The following EDA2R variants were observed in gnomAD, a reference collection of about 807,000 sequenced individuals.
EDA2R encodes the protein tumor necrosis factor receptor superfamily member 27.
Under a neutral mutation model 20.1 loss-of-function variants are expected in EDA2R, and 26 were observed. That is an observed-to-expected ratio of 1.30 (90% CI 0.95 to 1.80). EDA2R has a LOEUF of 1.80. EDA2R is among the 40% of genes most tolerant of loss of function. The pLI, the probability that EDA2R is intolerant of heterozygous loss-of-function variation, is 0.00. For missense variants in EDA2R, 277 were observed against 228.7 expected (o/e 1.21, Z -1.36); for synonymous variants, 114 against 88.7 (o/e 1.29, Z -1.60).
chrX:66,611,597 C>T (rs1041538418), intron 2 of EDA2R, among the ~76,000 whole-genome samples: 1 of 110,523 alleles, frequency 9.0e-6, no homozygotes, highest in Non-Finnish European at 1.9e-5. Context: ...ATGATAGAAT[C>T]AGTGAACTTG....
At chrX:66,608,964 T>G (rs1326248755) in intron 2 of EDA2R, among the ~76,000 whole-genome samples, 1 of 112,263 alleles carries the variant, frequency 8.9e-6, no homozygotes, top group Non-Finnish European at 1.9e-5. Flanking sequence ...TGATTAATGC[T>G]GCTGAATTAT....
chrX:66,601,696 A>C (rs1244549629), intron 5 of EDA2R, among the ~76,000 whole-genome samples: 1 of 110,964 alleles, frequency 9.0e-6, no homozygotes, highest in Non-Finnish European at 1.9e-5. Flanking sequence ...AATCAACTTC[A>C]TTCTCTGATC....
Position 66,597,094 on chromosome X carries a change from A to T in EDA2R, c.*1010T>A, listed in dbSNP as rs749255363. 4 of 113,209 alleles carry T rather than the reference A, an allele frequency of 3.5e-5. No homozygotes were observed. In the East Asian group the frequency reaches 1.1e-3, roughly 32 times the overall value. 9.3% of individuals were successfully genotyped at this position (113,209 alleles called of 1,213,427 possible). A position where few individuals can be genotyped will look rare whatever the true frequency, so the allele number is the denominator to read the frequency against. On this transcript the variant is annotated 3_prime_UTR_variant, in exon 7 of 7. Transcript: ENST00000374719. ...GGTGATGAAGTGCACATTCTGCCTAATGTACTTAATAAACCACTTAATAGT... is the reference window on the plus strand; with the variant it reads ...GGTGATGAAGTGCACATTCTGCCTATTGTACTTAATAAACCACTTAATAGT...
chrX:66,615,723 T>C (rs1270144490), intron 2 of EDA2R, among the ~76,000 whole-genome samples: 1 of 111,624 alleles, frequency 9.0e-6, no homozygotes, highest in Non-Finnish European at 1.9e-5. Context: ...TACTCTGTTA[T>C]CTCATGGAAA....
chrX:66,614,396 T>C (rs1023662714), intron 2 of EDA2R, among the ~76,000 whole-genome samples: 28 of 112,157 alleles, frequency 2.5e-4, no homozygotes, highest in Non-Finnish European at 4.5e-4. Context: ...ATGGTTAAAT[T>C]TTATGTTACT....
intron 2 of EDA2R, among the ~76,000 whole-genome samples, 154 bp downstream of exon 2, chrX:66,615,780 T>C (rs1284239809): frequency 8.9e-6 from 1 of 112,109 alleles, no homozygotes; most frequent in Non-Finnish European, 1.9e-5. Context: ...GCTGGAATCA[T>C]GACTGCTATT....
intron 1 of EDA2R, among the ~76,000 whole-genome samples, chrX:66,637,582 AG>A (rs1050028369): frequency 8.9e-6 from 1 of 112,565 alleles, no homozygotes; most frequent in Non-Finnish European, 1.9e-5. Context: ...AATCCAGCTC[AG>A]CTGGTGTTCT....
At chrX:66,614,383 G>A (rs1432113242) in intron 2 of EDA2R, among the ~76,000 whole-genome samples, 1 of 112,111 alleles carries the variant, frequency 8.9e-6, no homozygotes, top group Non-Finnish European at 1.9e-5. Context: ...TATGGTTCAT[G>A]TCATGGTTAA....
intron 1 of EDA2R, among the ~76,000 whole-genome samples, chrX:66,636,876 A>G (rs1482672539): frequency 1.8e-5 from 2 of 109,869 alleles, no homozygotes; most frequent in African/African-American, 6.6e-5. Context: ...GGTGGGTGGG[A>G]GGAACAATTA....
intron 3 of EDA2R, 114 bp downstream of exon 3, chrX:66,604,934 G>T: frequency 1.4e-6 from 1 of 711,045 alleles, no homozygotes; most frequent in African/African-American, 2.2e-5. Context: ...AGCTTAAACT[G>T]AATATTATGT....
chrX:66,617,058 G>T (rs1162724959), intron 1 of EDA2R, among the ~76,000 whole-genome samples: 2 of 111,883 alleles, frequency 1.8e-5, no homozygotes, highest in Admixed American at 1.9e-4. Context: ...CAAAGAGAAA[G>T]GTAGCATGAG....
intron 1 of EDA2R, among the ~76,000 whole-genome samples, chrX:66,637,700 T>G (rs1474094866): frequency 8.9e-6 from 1 of 112,619 alleles, no homozygotes; most frequent in Non-Finnish European, 1.9e-5. Flanking sequence ...TGTGCCACAG[T>G]CTATCTTAAA....
chrX:66,610,008 A>G (rs1231531590), intron 2 of EDA2R, among the ~76,000 whole-genome samples: 5 of 111,569 alleles, frequency 4.5e-5, no homozygotes, highest in African/African-American at 1.6e-4. Context: ...CGAAGTCCAG[A>G]AGCAGTAAAG....
chrX:66,599,971 C>T (rs1928252865), intron 5 of EDA2R, 111 bp from the exon 6 acceptor site: 1 of 1,130,285 alleles, frequency 8.8e-7, no homozygotes, highest in East Asian at 3.2e-5. Context: ...TGATTCTTTC[C>T]TTCCTCTCCC....
chrX:66,605,351 C>A, intron 2 of EDA2R, 125 bp from the exon 3 acceptor site: 1 of 492,534 alleles, frequency 2.0e-6, no homozygotes, highest in South Asian at 5.5e-5. Context: ...AGTCATAAAA[C>A]CAATTCACTA....
chrX:66,616,217 T>C (rs1931660884), intron 1 of EDA2R, among the ~76,000 whole-genome samples, 187 bp from the exon 2 acceptor site: 2 of 112,652 alleles, frequency 1.8e-5, no homozygotes, highest in African/African-American at 6.5e-5. Context: ...TTCTTGTAAA[T>C]GCTTTGCATG....
At chrX:66,621,471 T>C (rs1932609165) in intron 1 of EDA2R, among the ~76,000 whole-genome samples, 1 of 112,345 alleles carries the variant, frequency 8.9e-6, no homozygotes, top group South Asian at 3.7e-4. Context: ...GCAGCATTAT[T>C]TATAATAGCC....
rs767759752 is a variant in EDA2R, at chrX:66,611,913, AT to A, written c.87+4020del. Among the ~76,000 whole-genome samples, 133 of 111,769 alleles carry A rather than the reference AT, an allele frequency of 1.2e-3. 2 individuals carry two copies. The South Asian group carries it at 0.044, about 37-fold the overall frequency. On this transcript the variant is annotated intron_variant, in intron 2 of 6. Coordinates refer to ENST00000374719, the MANE Select transcript of EDA2R (RefSeq NM_021783.5). Reference sequence around the variant, plus strand: ...ATAAAACTTCTGAAAACTAAAAAAAATATATTGAAAATAGCCAAGAATAAAT... The same window carrying A: ...ATAAAACTTCTGAAAACTAAAAAAAAATATTGAAAATAGCCAAGAATAAAT...
chrX:66,605,349 A>T, intron 2 of EDA2R, 123 bp from the exon 3 acceptor site: 1 of 528,970 alleles, frequency 1.9e-6, no homozygotes, highest in Non-Finnish European at 2.8e-6. Context: ...TAAGTCATAA[A>T]ACCAATTCAC....
Sources: gnomAD v4.1 joint callset for allele counts (sites outside exome capture counted in the v4.1 genomes callset) on GRCh38, gnomAD v4.1.1 for gene constraint, MANE v1.5 for transcripts, NCBI Gene and HGNC (gene_info 2026-07-23, HGNC 2026-07-21) for gene names.